The following SMCO4 variants were observed in gnomAD, a reference collection of about 807,000 sequenced individuals.
SMCO4 encodes the protein single-pass membrane and coiled-coil domain-containing protein 4.
Under a neutral mutation model 3.6 loss-of-function variants are expected in SMCO4, and 4 were observed. The ratio of observed to expected loss-of-function variants is 1.11; its 90% CI spans 0.54 to 2.53. The LOEUF (loss-of-function observed/expected upper bound fraction) is 2.53, where lower values mean the gene tolerates loss of function less well. Ranked by LOEUF, SMCO4 falls within the 30% of genes most tolerant of loss-of-function variation. The probability of loss-of-function intolerance (pLI) is 0.02; values close to 1 mark genes in which losing one functional copy is unlikely to be tolerated. For missense variants in SMCO4, 70 were observed against 80.8 expected (o/e 0.87, Z 0.51); for synonymous variants, 36 against 35.3 (o/e 1.02, Z -0.07).
intron 1 of SMCO4, among the ~76,000 whole-genome samples, chr11:93,507,597 T>C (rs1304837194): frequency 6.6e-6 from 1 of 152,250 alleles, no homozygotes; most frequent in African/African-American, 2.4e-5. Flanking sequence ...CAAAATGATG[T>C]GTAAAAGATC....
At position 93,479,251 on chromosome 11, in the gene SMCO4, T is replaced by C; in HGVS notation, c.-62A>G. 2 of 1,570,852 alleles carry C rather than the reference T, an allele frequency of 1.3e-6. No individual in the cohort carries two copies. The highest frequency in any genetic ancestry group is 1.7e-6 in the Non-Finnish European group (2 of 1,156,864). On this transcript the variant is annotated 5_prime_UTR_variant, in exon 3 of 3. Transcript: ENST00000298966. ...GATTCCAGGAAGGGCCACACTCCTC[T>C]TGCCAAGGCTGGAACCTCCTGTAGA...
At chr11:93,551,445 G>A in the SMCO4 span, among the ~76,000 whole-genome samples, 85 of 152,274 alleles carry the variant, frequency 5.6e-4, no homozygotes, top group African/African-American at 1.9e-3. Flanking sequence ...CTTTCAGAGA[G>A]GAGTCTTGGG....
At chr11:93,483,925 G>GA (rs1359416102) in intron 2 of SMCO4, among the ~76,000 whole-genome samples, 1 of 152,164 alleles carries the variant, frequency 6.6e-6, no homozygotes, top group Non-Finnish European at 1.5e-5. Context: ...CCCTTGCAGA[G>GA]AGAAATAAAT....
intron 2 of SMCO4, among the ~76,000 whole-genome samples, chr11:93,482,882 G>A (rs1343035242): frequency 2.0e-5 from 3 of 152,220 alleles, no homozygotes; most frequent in Non-Finnish European, 4.4e-5. Flanking sequence ...GGAAGAATGT[G>A]TGTGGCCAAA....
At chr11:93,511,857 GT>G (rs1390115766) in intron 1 of SMCO4, among the ~76,000 whole-genome samples, 2 of 152,182 alleles carry the variant, frequency 1.3e-5, no homozygotes, top group African/African-American at 2.4e-5. Context: ...ATTCGTAATT[GT>G]TTTTAAACTG....
At chr11:93,523,239 A>T (rs1216578348) in intron 1 of SMCO4, 1 of 151,400 alleles carries the variant, frequency 6.6e-6, no homozygotes, top group Non-Finnish European at 1.5e-5. Context: ...TACTCAGGAG[A>T]ATTTCCTGAG....
chr11:93,545,608 A>AAAAG (rs1555081223), upstream of SMCO4, among the ~76,000 whole-genome samples: 5 of 144,784 alleles, frequency 3.5e-5, no homozygotes, highest in East Asian at 2.0e-4. Flanking sequence ...AAAAAAAAAA[A>AAAAG]AGAGAGAGAG....
At chr11:93,546,029 C>T (rs1949313300), upstream of SMCO4, among the ~76,000 whole-genome samples, 1 of 152,194 alleles carries the variant, frequency 6.6e-6, no homozygotes, top group African/African-American at 2.4e-5. Context: ...AAAAATAGTC[C>T]AGCCAACCCA....
Position 93,521,479 on chromosome 11 carries a change from G to C in SMCO4, c.-154+21797C>G, listed in dbSNP as rs544209306. On this transcript the variant is annotated intron_variant, in intron 1 of 2. Transcript: ENST00000298966. ...GAGGTAGGTACCCTCATCATACCCTGCCTAAAGATGGACAAAGTCAGGCTT... is the reference window on the plus strand; with the variant it reads ...GAGGTAGGTACCCTCATCATACCCTCCCTAAAGATGGACAAAGTCAGGCTT... Among the ~76,000 whole-genome samples, 29 of 152,244 alleles carry C rather than the reference G, an allele frequency of 1.9e-4. 2 individuals carry two copies. The South Asian group carries it at 6.0e-3, about 32-fold the overall frequency.
At chr11:93,539,824 A>C (rs1949256929) in intron 1 of SMCO4, among the ~76,000 whole-genome samples, 1 of 151,968 alleles carries the variant, frequency 6.6e-6, no homozygotes, top group Non-Finnish European at 1.5e-5. Flanking sequence ...AATTTCCCCC[A>C]CACCAAACTA....
chr11:93,491,980 T>C (rs1430741826), intron 2 of SMCO4, among the ~76,000 whole-genome samples: 1 of 152,176 alleles, frequency 6.6e-6, no homozygotes, highest in African/African-American at 2.4e-5. Context: ...AATGGAAAAT[T>C]CACCTCTCAG....
intron 1 of SMCO4, among the ~76,000 whole-genome samples, chr11:93,540,493 G>A (rs80322238): frequency 0.017 from 2,559 of 152,306 alleles, 84 homozygotes; most frequent in African/African-American, 0.058. Flanking sequence ...TGCTGGGTTA[G>A]GGAGCCCGTT....
At position 93,478,980 on chromosome 11, in the gene SMCO4, G is replaced by GCCGATGGGGT. The variant is rs1948554616; in HGVS notation, c.*20_*29dup. ...TCCCCCTCCCGCGCCTCCTCTCCCT[G>GCCGATGGGGT]CCGATGGGGTCCGCAGCCGGCTGCG... is the stretch of plus-strand genomic sequence containing the variant. On this transcript the variant is annotated 3_prime_UTR_variant, in exon 3 of 3. Transcript: ENST00000298966. 1 of 1,580,408 alleles carries GCCGATGGGGT rather than the reference G, an allele frequency of 6.3e-7. No homozygotes were observed. Among genetic ancestry groups the GCCGATGGGGT allele is most frequent in the East Asian group, 2.3e-5 (1 of 44,244 alleles).
At chr11:93,548,984 G>A in the SMCO4 span, among the ~76,000 whole-genome samples, 1 of 152,236 alleles carries the variant, frequency 6.6e-6, no homozygotes, top group East Asian at 1.9e-4. Context: ...GTTATTTCCT[G>A]TCATAGCTGA....
At chr11:93,535,322 T>C in intron 1 of SMCO4, 1 of 575,208 alleles carries the variant, frequency 1.7e-6, no homozygotes. Context: ...CCATGGTCCT[T>C]GAGGGTTTGG....
intron 1 of SMCO4, among the ~76,000 whole-genome samples, chr11:93,516,363 T>C (rs912163700): frequency 1.3e-5 from 2 of 152,204 alleles, no homozygotes; most frequent in African/African-American, 2.4e-5. Context: ...CCAAGTCCAA[T>C]AATCTTGCTT....
At chr11:93,544,035 T>C (rs993483304), upstream of SMCO4, among the ~76,000 whole-genome samples, 8 of 152,202 alleles carry the variant, frequency 5.3e-5, no homozygotes, top group African/African-American at 1.9e-4. Context: ...CGGCTAAATG[T>C]TATTCAGGGC....
upstream of SMCO4, chr11:93,543,580 G>A (rs1319830388): frequency 6.6e-6 from 1 of 152,464 alleles, no homozygotes; most frequent in Non-Finnish European, 1.5e-5. Flanking sequence ...CTGCCTCCAG[G>A]AAGTTCGCCC....
chr11:93,553,165 G>T, the SMCO4 span, among the ~76,000 whole-genome samples: 3 of 152,192 alleles, frequency 2.0e-5, no homozygotes, highest in Non-Finnish European at 4.4e-5. Flanking sequence ...AGTGCTTTTT[G>T]CTGATAGTAC....
Sources: allele counts gnomAD v4.1 joint callset (sites outside exome capture counted in the v4.1 genomes callset), GRCh38; gene constraint gnomAD v4.1.1; transcripts MANE v1.5; gene names NCBI Gene and HGNC (gene_info 2026-07-23, HGNC 2026-07-21).